The following GRXCR1 variants were observed in gnomAD, a reference collection of about 807,000 sequenced individuals.
GRXCR1 encodes glutaredoxin and cysteine rich domain containing 1.
In GRXCR1, 27 loss-of-function variants were observed where a neutral mutation model predicts 27.3. The ratio of observed to expected loss-of-function variants is 0.99; its 90% CI spans 0.73 to 1.37. The LOEUF is 1.37. GRXCR1 is among the 40% of genes most tolerant of loss of function. GRXCR1 has a pLI of 0.00. For missense variants in GRXCR1, 379 were observed against 354.4 expected, an observed-to-expected ratio of 1.07 and a Z score of -0.56; for synonymous variants, 122 against 131.1, an observed-to-expected ratio of 0.93 and a Z score of 0.47.
At chr4:42,928,253 CT>C (rs1241324450) in intron 1 of GRXCR1, among the ~76,000 whole-genome samples, 1 of 151,922 alleles carries the variant, frequency 6.6e-6, no homozygotes, top group East Asian at 1.9e-4. Context: ...CGTTTCCAGG[CT>C]TGGCATTAAA....
At chr4:42,902,007 C>T (rs1039680626) in intron 1 of GRXCR1, among the ~76,000 whole-genome samples, 21 of 152,206 alleles carry the variant, frequency 1.4e-4, no homozygotes, top group Non-Finnish European at 2.2e-4. Flanking sequence ...TCTGTAGTTA[C>T]GTATATGATG....
chr4:42,987,980 T>G (rs1577933968), intron 2 of GRXCR1, among the ~76,000 whole-genome samples: 1 of 152,264 alleles, frequency 6.6e-6, no homozygotes, highest in South Asian at 2.1e-4. Context: ...GGCAGGAGAA[T>G]CCCTCCTTGC....
intron 1 of GRXCR1, among the ~76,000 whole-genome samples, chr4:42,911,992 TGA>T (rs1746731174): frequency 6.6e-6 from 1 of 152,124 alleles, no homozygotes; most frequent in Admixed American, 6.6e-5. Context: ...AAAGCTGTTC[TGA>T]GTTCTTAGTG....
chr4:42,975,223 A>T (rs1748485921), intron 2 of GRXCR1, among the ~76,000 whole-genome samples: 1 of 152,176 alleles, frequency 6.6e-6, no homozygotes, highest in African/African-American at 2.4e-5. Context: ...AAACTGACTC[A>T]TCTATAAGTC....
chr4:43,000,647 C>T (rs1479333196), intron 2 of GRXCR1, among the ~76,000 whole-genome samples: 1 of 150,036 alleles, frequency 6.7e-6, no homozygotes, highest in Non-Finnish European at 1.5e-5. Context: ...TCTTACTGTG[C>T]CTAATTTATA....
intron 2 of GRXCR1, among the ~76,000 whole-genome samples, chr4:43,012,150 C>T (rs1335785141): frequency 6.6e-6 from 1 of 152,198 alleles, no homozygotes; most frequent in East Asian, 1.9e-4. Flanking sequence ...AGTTTGTTCA[C>T]TAACTGTCCT....
intron 1 of GRXCR1, 111 bp from the exon 2 acceptor site, chr4:42,962,781 T>G (rs533529706): frequency 1.5e-4 from 173 of 1,171,096 alleles, no homozygotes; most frequent in Non-Finnish European, 2.1e-4. Flanking sequence ...TTGACAAATG[T>G]GTTCATTCAA....
chr4:42,935,923 C>G (rs528212190), intron 1 of GRXCR1, among the ~76,000 whole-genome samples: 46 of 151,972 alleles, frequency 3.0e-4, no homozygotes, highest in African/African-American at 1.1e-3. Context: ...CTAAATAACA[C>G]TGCTTTTTAA....
chr4:43,009,005 G>T (rs1023767561), intron 2 of GRXCR1, among the ~76,000 whole-genome samples: 1 of 152,144 alleles, frequency 6.6e-6, no homozygotes, highest in Non-Finnish European at 1.5e-5. Flanking sequence ...TCCTGGCATT[G>T]TCCTATCCAT....
chr4:43,030,456 C>G lies in GRXCR1; in HGVS notation c.789C>G (p.Asn263Lys). The G allele has an allele frequency of 6.2e-7, 1 of 1,614,056 alleles. No homozygotes were observed. The highest frequency in any genetic ancestry group is 8.5e-7 in the Non-Finnish European group (1 of 1,179,968). Residue 263 changes from asparagine (N) to lysine (K), a missense_variant, in exon 4 of 4, where the codon AAC becomes AAG. Physicochemically the swap from Asn to Lys is moderately conservative, Grantham distance 94 (BLOSUM62 0). Coordinates refer to ENST00000399770, the MANE Select transcript of GRXCR1 (RefSeq NM_001080476.3). Reference sequence around the variant, plus strand: ...GGAGCAAGATGTCCATGTTTCGAAACTGCTTCACAGACTCTTTCAAAGCCC... The same window carrying G: ...GGAGCAAGATGTCCATGTTTCGAAAGTGCTTCACAGACTCTTTCAAAGCCC... ...CHGSKMSMFR[N>K]CFTDSFKALK...
At chr4:42,920,272 G>GT (rs576186171) in intron 1 of GRXCR1, among the ~76,000 whole-genome samples, 2 of 152,132 alleles carry the variant, frequency 1.3e-5, no homozygotes, top group African/African-American at 4.8e-5. Context: ...CCATTGAGGA[G>GT]TTACCTCAAC....
chr4:42,959,190 T>G (rs2109773105), intron 1 of GRXCR1, among the ~76,000 whole-genome samples: 1 of 152,086 alleles, frequency 6.6e-6, no homozygotes, highest in South Asian at 2.1e-4. Flanking sequence ...CTTTAATGGA[T>G]AAATTAATAA....
intron 1 of GRXCR1, among the ~76,000 whole-genome samples, chr4:42,918,455 T>A (rs1233444096): frequency 1.3e-5 from 2 of 152,086 alleles, no homozygotes; most frequent in African/African-American, 4.8e-5. Context: ...CCAGTTCCAT[T>A]TTTTGCTTCC....
chr4:42,952,644 T>C (rs1308564788), intron 1 of GRXCR1, among the ~76,000 whole-genome samples: 1 of 152,040 alleles, frequency 6.6e-6, no homozygotes, highest in Non-Finnish European at 1.5e-5. Flanking sequence ...ATTAGAAAAT[T>C]AAATTGGAAA....
intron 2 of GRXCR1, among the ~76,000 whole-genome samples, chr4:42,986,834 C>T (rs537475431): frequency 1.3e-5 from 2 of 152,014 alleles, no homozygotes; most frequent in Admixed American, 1.3e-4. Context: ...GATATGTCTC[C>T]TTGTAGAGCC....
rs575688859 is a variant in GRXCR1 at position 42,913,656 on chromosome 4, A to T, written c.384+20006A>T. 2.6e-5 allele frequency among the ~76,000 whole-genome samples: 4 copies of T among 152,302 alleles called. No homozygotes were observed. The South Asian group carries it at 8.3e-4, about 32-fold the overall frequency. On this transcript the variant is annotated intron_variant, in intron 1 of 3. Transcript: ENST00000399770. ...ATTCAAGCCTTCTGCAGAAATTTGCATAAGTAACCAAAAGCCTGAATCTTA... is the reference window on the plus strand; with the variant it reads ...ATTCAAGCCTTCTGCAGAAATTTGCTTAAGTAACCAAAAGCCTGAATCTTA...
chr4:42,931,922 G>A (rs916836260), intron 1 of GRXCR1, among the ~76,000 whole-genome samples: 13 of 151,976 alleles, frequency 8.6e-5, no homozygotes, highest in African/African-American at 3.1e-4. Context: ...AATCATGGTG[G>A]AAGAGCAAGG....
intron 3 of GRXCR1, 23 bp from the exon 4 acceptor site, chr4:43,030,336 CTT>C (rs761698562): frequency 6.2e-7 from 1 of 1,610,884 alleles, no homozygotes; most frequent in South Asian, 1.1e-5. Flanking sequence ...TCTGTTTTCT[CTT>C]GTTCCCCTGC....
At chr4:42,959,423 G>A (rs990783217) in intron 1 of GRXCR1, among the ~76,000 whole-genome samples, 2 of 151,678 alleles carry the variant, frequency 1.3e-5, no homozygotes, top group Admixed American at 1.3e-4. Context: ...GGCTGTTAGT[G>A]GTGGGGGATG....
Sources: allele counts gnomAD v4.1 joint callset (sites outside exome capture counted in the v4.1 genomes callset), GRCh38; gene constraint gnomAD v4.1.1; transcripts MANE v1.5; gene names NCBI Gene and HGNC (gene_info 2026-07-23, HGNC 2026-07-21).